Variants in GLIS3 observed in about 807,000 individuals in gnomAD.
GLIS3 encodes the protein GLIS family zinc finger 3.
A neutral mutation model predicts 78.6 loss-of-function variants in GLIS3; 53 were observed. The observed-to-expected ratio is 0.67, with a 90% CI of 0.54 to 0.85. GLIS3 has a LOEUF of 0.85. Ranked by LOEUF, GLIS3 falls within the 40% of genes least tolerant of loss-of-function variation. GLIS3 has a pLI of 0.00. For synonymous variants in GLIS3, 684 were observed against 509.9 expected (o/e 1.34, Z -4.60); for missense variants, 1,703 against 1,231.1 (o/e 1.38, Z -5.74).
intron 6 of GLIS3, among the ~76,000 whole-genome samples, chr9:3,900,210 C>G (rs1027190463): frequency 3.5e-5 from 5 of 141,758 alleles, no homozygotes; most frequent in African/African-American, 1.3e-4. Flanking sequence ...AAAGGAGAAA[C>G]AGAAATGATA....
chr9:3,867,229 T>TTTG (rs969081494), intron 8 of GLIS3, among the ~76,000 whole-genome samples: 3 of 152,202 alleles, frequency 2.0e-5, no homozygotes, highest in Non-Finnish European at 4.4e-5. Context: ...GCAATGTTGT[T>TTTG]TTGTTGTTGT....
intron 6 of GLIS3, among the ~76,000 whole-genome samples, chr9:3,904,498 T>C (rs533162436): frequency 6.6e-6 from 1 of 152,158 alleles, no homozygotes; most frequent in Non-Finnish European, 1.5e-5. Context: ...TATATAGATA[T>C]TTATCTTGGT....
At chr9:3,960,399 ATTCATCTGCCACATTTTCTATGTAT>A (rs1817468638) in intron 4 of GLIS3, among the ~76,000 whole-genome samples, 1 of 152,144 alleles carries the variant, frequency 6.6e-6, no homozygotes, top group Non-Finnish European at 1.5e-5. Context: ...TAGCAAACTA[ATTCATCTGCCACATTTTCTATGTAT>A]TTCTCCTACA....
At chr9:4,472,993 T>A in the GLIS3 span, among the ~76,000 whole-genome samples, 1 of 152,314 alleles carries the variant, frequency 6.6e-6, no homozygotes, top group South Asian at 2.1e-4. Context: ...GATTGCTGAG[T>A]CTAACGGTAG....
chr9:3,880,112 C>A (rs183798320), intron 7 of GLIS3, among the ~76,000 whole-genome samples: 1 of 152,096 alleles, frequency 6.6e-6, no homozygotes, highest in Non-Finnish European at 1.5e-5. Context: ...CTAGCATGAA[C>A]GTAGGATCCT....
chr9:4,278,888 T>C (rs931506136), intron 2 of GLIS3, among the ~76,000 whole-genome samples: 40 of 152,382 alleles, frequency 2.6e-4, no homozygotes, highest in Non-Finnish European at 5.1e-4. Context: ...TAATGCAATG[T>C]GTGGTACACA....
chr9:4,395,017 C>T, the GLIS3 span, among the ~76,000 whole-genome samples: 53 of 152,236 alleles, frequency 3.5e-4, no homozygotes, highest in Admixed American at 7.2e-4. Context: ...TTTAAAAATT[C>T]GGAACCACGA....
At chr9:4,252,914 C>A (rs55846838) in intron 2 of GLIS3, among the ~76,000 whole-genome samples, 1 of 152,160 alleles carries the variant, frequency 6.6e-6, no homozygotes, top group African/African-American at 2.4e-5. Context: ...CACTCCAGAC[C>A]CTGTTTGCCT....
At chr9:3,862,622 T>A (rs1415140874) in intron 8 of GLIS3, among the ~76,000 whole-genome samples, 2 of 152,222 alleles carry the variant, frequency 1.3e-5, no homozygotes, top group African/African-American at 2.4e-5. Context: ...CACAAGCAGT[T>A]CCAGCCAGCA....
intron 4 of GLIS3, among the ~76,000 whole-genome samples, chr9:4,037,706 G>A (rs997273664): frequency 3.3e-5 from 5 of 152,062 alleles, no homozygotes; most frequent in African/African-American, 4.8e-5. Context: ...CAACAGACTC[G>A]GAGTCACCAT....
At chr9:4,462,839 T>A in the GLIS3 span, among the ~76,000 whole-genome samples, 1 of 152,180 alleles carries the variant, frequency 6.6e-6, no homozygotes, top group Admixed American at 6.5e-5. Context: ...AAAAGTCTGG[T>A]CCTTCATCCC....
chr9:4,457,096 C>G, the GLIS3 span, among the ~76,000 whole-genome samples: 3 of 152,112 alleles, frequency 2.0e-5, no homozygotes, highest in Non-Finnish European at 2.9e-5. Context: ...GGTACGATGG[C>G]TCAAAGCTAT....
rs75557609 is a variant in GLIS3, at chr9:4,033,897, T to A, written c.1710+83871A>T. Among the ~76,000 whole-genome samples, 602 of 107,506 alleles carry A rather than the reference T, an allele frequency of 5.6e-3. 6 individuals carry two copies. The highest frequency in any genetic ancestry group is 0.019 in the African/African-American group (555 of 29,334). The allele number at this position is 107,506 out of a possible 152,430, so 70.5% of individuals were successfully genotyped here. A position where few individuals can be genotyped will look rare whatever the true frequency, so the allele number is the denominator to read the frequency against. On this transcript the variant is annotated intron_variant, in intron 4 of 10. Transcript: ENST00000381971. ...AAAAAAAAAAAAAAAAAAACTAGAA[T>A]GAGATAGGTCCTATCTGCATTTCTG...
chr9:4,238,880 T>A (rs1020396674), intron 2 of GLIS3, among the ~76,000 whole-genome samples: 1 of 152,062 alleles, frequency 6.6e-6, no homozygotes, highest in Non-Finnish European at 1.5e-5. Flanking sequence ...AAGACTACTA[T>A]AGCCACAGCA....
At chr9:4,277,936 T>G (rs1265779143) in intron 2 of GLIS3, among the ~76,000 whole-genome samples, 1 of 152,198 alleles carries the variant, frequency 6.6e-6, no homozygotes, top group Admixed American at 6.5e-5. Flanking sequence ...ACTAATAAGT[T>G]GCCAACTGCA....
intron 2 of GLIS3, among the ~76,000 whole-genome samples, chr9:4,281,083 G>A (rs745906296): frequency 1.3e-5 from 2 of 151,946 alleles, no homozygotes; most frequent in African/African-American, 2.4e-5. Flanking sequence ...CTTATTAGTC[G>A]TTTGAAAAAA....
chr9:4,073,993 G>A (rs1364866176), intron 4 of GLIS3, among the ~76,000 whole-genome samples: 2 of 152,100 alleles, frequency 1.3e-5, no homozygotes, highest in African/African-American at 2.4e-5. Flanking sequence ...TGAGAGCCAA[G>A]GTGCAAGTTT....
At chr9:3,991,683 A>ATTTT (rs59495657) in intron 4 of GLIS3, among the ~76,000 whole-genome samples, 7 of 87,880 alleles carry the variant, frequency 8.0e-5, no homozygotes, top group Middle Eastern at 7.8e-3. Context: ...AAGTAGGCTG[A>ATTTT]TTTTTTTTTT....
In GLIS3 at chr9:3,869,585, A is replaced by C. The variant is rs538906246; in HGVS notation, c.2297+9842T>G. On this transcript the variant is annotated intron_variant, in intron 8 of 10. Coordinates refer to ENST00000381971, the MANE Select transcript of GLIS3 (RefSeq NM_001042413.2). ...TACGCAGGTTATACAAGATGGGAAG[A>C]ACTTCCAGAATTACGGCTACTGCCC... 2.6e-5 allele frequency among the ~76,000 whole-genome samples: 4 copies of C among 152,356 alleles called. No individual in the cohort carries two copies. The South Asian group carries it at 8.3e-4, about 32-fold the overall frequency.
Sources: allele counts gnomAD v4.1 joint callset (sites outside exome capture counted in the v4.1 genomes callset), GRCh38; gene constraint gnomAD v4.1.1; transcripts MANE v1.5; gene names NCBI Gene and HGNC (gene_info 2026-07-23, HGNC 2026-07-21).